Variants in TACR3 observed in about 807,000 individuals in gnomAD.
TACR3 encodes the protein tachykinin receptor 3.
TACR3 carries 34 observed loss-of-function variants against 35.0 expected under a neutral mutation model. The ratio of observed to expected loss-of-function variants is 0.97; its 90% CI spans 0.74 to 1.30. The LOEUF (loss-of-function observed/expected upper bound fraction) is 1.30, where lower values mean the gene tolerates loss of function less well. Among genes scored for constraint, TACR3 ranks in the 50% most tolerant of loss-of-function variants. The pLI, the probability that TACR3 is intolerant of heterozygous loss-of-function variation, is 0.00. For synonymous variants in TACR3, 233 were observed against 221.1 expected (o/e 1.05, Z -0.48); for missense variants, 558 against 591.7 (o/e 0.94, Z 0.59).
chr4:103,682,895 G>A (rs1359227703), intron 1 of TACR3, among the ~76,000 whole-genome samples: 5 of 152,106 alleles, frequency 3.3e-5, no homozygotes, highest in Non-Finnish European at 7.3e-5. Flanking sequence ...AGCCAGCAAC[G>A]AAGAAAGAGA....
intron 3 of TACR3, among the ~76,000 whole-genome samples, chr4:103,637,238 C>T (rs1725214275): frequency 6.6e-6 from 1 of 152,130 alleles, no homozygotes; most frequent in Non-Finnish European, 1.5e-5. Context: ...AGCTTATCCA[C>T]CATGATCAAG....
At chr4:103,665,417 T>A (rs538726862) in intron 1 of TACR3, among the ~76,000 whole-genome samples, 12 of 152,220 alleles carry the variant, frequency 7.9e-5, no homozygotes, top group Middle Eastern at 3.4e-3. Flanking sequence ...GAAATTATAT[T>A]TAAAACAGCT....
At chr4:103,639,957 T>C (rs925035257) in intron 3 of TACR3, among the ~76,000 whole-genome samples, 6 of 151,996 alleles carry the variant, frequency 3.9e-5, no homozygotes, top group Admixed American at 1.3e-4. Flanking sequence ...GCATTATCTT[T>C]TAATTAATAA....
At chr4:103,600,654 A>G (rs546064494) in intron 3 of TACR3, among the ~76,000 whole-genome samples, 3 of 151,996 alleles carry the variant, frequency 2.0e-5, no homozygotes, top group South Asian at 2.1e-4. Flanking sequence ...ATTCTGGTAT[A>G]TTGTGTCTTT....
intron 3 of TACR3, among the ~76,000 whole-genome samples, chr4:103,640,417 T>C (rs6857342): frequency 0.45 from 67,175 of 149,602 alleles, 18,014 homozygotes; most frequent in African/African-American, 0.77. Flanking sequence ...TAATGATTAG[T>C]GATGTAGAGA....
chr4:103,597,123 G>A (rs1724047410), intron 3 of TACR3, among the ~76,000 whole-genome samples: 1 of 149,176 alleles, frequency 6.7e-6, no homozygotes, highest in South Asian at 2.1e-4. Flanking sequence ...ACCCAGTAAT[G>A]GGAAGGCTGG....
intron 2 of TACR3, among the ~76,000 whole-genome samples, chr4:103,657,769 A>G (rs559750390): frequency 5.3e-4 from 80 of 152,096 alleles, no homozygotes; most frequent in Admixed American, 1.6e-3. Context: ...TTGCTTGTCT[A>G]GAGACAAGCA....
intron 1 of TACR3, among the ~76,000 whole-genome samples, chr4:103,684,141 T>C (rs1404704152): frequency 6.6e-6 from 1 of 151,854 alleles, no homozygotes; most frequent in African/African-American, 2.4e-5. Flanking sequence ...ACAAAAAAAC[T>C]GTATATTTTT....
At chr4:103,719,036 G>T in intron 1 of TACR3, 92 bp downstream of exon 1, 2 of 1,540,972 alleles carry the variant, frequency 1.3e-6, no homozygotes, top group Non-Finnish European at 1.8e-6. Flanking sequence ...TATAGACCCC[G>T]TTACGTTACT....
At chr4:103,615,055 T>C (rs7696317) in intron 3 of TACR3, among the ~76,000 whole-genome samples, 33,278 of 151,616 alleles carry the variant, frequency 0.22, 3,892 homozygotes, top group Middle Eastern at 0.33. Flanking sequence ...CCATCACGCC[T>C]GGCTAATTTT....
intron 1 of TACR3, among the ~76,000 whole-genome samples, chr4:103,688,800 G>A (rs968724947): frequency 1.3e-5 from 2 of 152,106 alleles, no homozygotes; most frequent in African/African-American, 4.8e-5. Flanking sequence ...CACTGTTGGT[G>A]GAACTGTAAA....
intron 3 of TACR3, among the ~76,000 whole-genome samples, chr4:103,603,380 C>A (rs1724259518): frequency 6.6e-6 from 1 of 152,242 alleles, no homozygotes; most frequent in African/African-American, 2.4e-5. Flanking sequence ...TTGGCTCGTG[C>A]ACGGTGCGCT....
chr4:103,593,998 T>TA (rs1723949537), intron 3 of TACR3, among the ~76,000 whole-genome samples: 1 of 152,142 alleles, frequency 6.6e-6, no homozygotes, highest in African/African-American at 2.4e-5. Flanking sequence ...AAAGTGACTA[T>TA]AAAACAAAAG....
intron 3 of TACR3, among the ~76,000 whole-genome samples, chr4:103,647,659 C>T (rs3796964): frequency 0.42 from 63,011 of 149,388 alleles, 15,127 homozygotes; most frequent in African/African-American, 0.71. Context: ...AATATACTTT[C>T]CTTTAAAGTA....
intron 1 of TACR3, among the ~76,000 whole-genome samples, chr4:103,678,480 C>G (rs1301925484): frequency 6.6e-6 from 1 of 152,030 alleles, no homozygotes; most frequent in African/African-American, 2.4e-5. Flanking sequence ...CCATAGTTGG[C>G]TTTTCTTTTT....
chr4:103,697,681 C>A (rs1424819207), intron 1 of TACR3, among the ~76,000 whole-genome samples: 1 of 152,082 alleles, frequency 6.6e-6, no homozygotes, highest in Non-Finnish European at 1.5e-5. Flanking sequence ...ACCTCGGCCT[C>A]CCAAAGTGCT....
intron 3 of TACR3, among the ~76,000 whole-genome samples, chr4:103,647,020 T>C (rs1725476423): frequency 6.6e-6 from 1 of 151,962 alleles, no homozygotes; most frequent in South Asian, 2.1e-4. Flanking sequence ...CTCCTTACAG[T>C]CTTCGATTTT....
rs574465145 is a variant in TACR3, at chr4:103,616,427, GACAC to G, written c.889-24748_889-24745del. Among the ~76,000 whole-genome samples, 1,079 of 152,004 alleles carry G rather than the reference GACAC, an allele frequency of 7.1e-3. 7 individuals are homozygous for G. The highest frequency in any genetic ancestry group is 0.017 in the Middle Eastern group (5 of 294). ...TAGCATGTATATTTATCTCTCTATAGACACACACATATACATTATACTTGTGCAT... is the reference window on the plus strand; with the variant it reads ...TAGCATGTATATTTATCTCTCTATAGACACATATACATTATACTTGTGCAT... On this transcript the variant is annotated intron_variant, in intron 3 of 4. Transcript: ENST00000304883.
intron 1 of TACR3, among the ~76,000 whole-genome samples, chr4:103,676,797 C>T: frequency 6.6e-6 from 1 of 152,092 alleles, no homozygotes; most frequent in East Asian, 1.9e-4. Context: ...AAGACATAGG[C>T]ACGGGCAAAG....
Sources: allele counts gnomAD v4.1 joint callset (sites outside exome capture counted in the v4.1 genomes callset), GRCh38; gene constraint gnomAD v4.1.1; transcripts MANE v1.5; gene names NCBI Gene and HGNC (gene_info 2026-07-23, HGNC 2026-07-21).